Variants in MAP6 observed in about 807,000 individuals in gnomAD.
The protein encoded by MAP6 is microtubule associated protein 6.
MAP6 carries 26 observed loss-of-function variants against 42.4 expected under a neutral mutation model. That is an observed-to-expected ratio of 0.61 (90% confidence interval 0.45 to 0.85). The LOEUF is 0.85. Ranked by LOEUF, MAP6 falls within the 40% of genes least tolerant of loss-of-function variation. MAP6 has a pLI of 0.00. For synonymous variants in MAP6, 418 were observed against 443.8 expected, an observed-to-expected ratio of 0.94 and a Z score of 0.73; for missense variants, 966 against 1,099.0, an observed-to-expected ratio of 0.88 and a Z score of 1.71.
intron 1 of MAP6, among the ~76,000 whole-genome samples, chr11:75,625,482 C>T (rs574574578): frequency 6.6e-6 from 1 of 152,274 alleles, no homozygotes; most frequent in East Asian, 1.9e-4. Flanking sequence ...AGATGCTGCA[C>T]AAACATGCCC....
In MAP6 at chr11:75,587,310, C is replaced by T. The variant is rs150533004; in HGVS notation, c.2191G>A (p.Val731Ile). 1.9e-6 allele frequency: 3 copies of T among 1,614,150 alleles called. No homozygotes were observed. The highest frequency in any genetic ancestry group is 8.5e-7 in the Non-Finnish European group (1 of 1,180,016). Residue 731 changes from valine (V) to isoleucine (I), a missense_variant, in exon 4 of 4, where the codon GTC becomes ATC. Coordinates refer to ENST00000304771, the MANE Select transcript of MAP6 (RefSeq NM_033063.2). ...PVLVKDQGPT[V>I]LQPPKNQGRI... ...CCTTGATTCTTTGGAGGCTGTAGGA[C>T]TGTGGGGCCTTGATCCTTAACTAGT...
rs1460751778 is a variant in MAP6, at chr11:75,667,260, G to C, written c.905+205C>G. 6.6e-6 allele frequency among the ~76,000 whole-genome samples: 1 copy of C among 152,216 alleles called. No homozygotes were observed. Among genetic ancestry groups the C allele is most frequent in the Non-Finnish European group, 1.5e-5 (1 of 68,034 alleles). On this transcript the variant is annotated intron_variant, in intron 1 of 3. Transcript: ENST00000304771. This position sits in a 1 kb window ranked among gnomAD's most constrained non-coding sequence, Gnocchi z 5.6. ...TGAAAGAGCCAGGCAGGCTGAGATG[G>C]AATATACTAACAGCTTGCGCATGGG...
intron 3 of MAP6, chr11:75,603,700 T>C: frequency 4.1e-6 from 4 of 985,248 alleles, no homozygotes; most frequent in Non-Finnish European, 4.8e-6. Flanking sequence ...CACCCTCTGG[T>C]TGTGTGGCTG....
At chr11:75,598,410 A>G (rs1440525909) in intron 3 of MAP6, among the ~76,000 whole-genome samples, 1 of 152,116 alleles carries the variant, frequency 6.6e-6, no homozygotes, top group Non-Finnish European at 1.5e-5. Context: ...AGATTGGCCA[A>G]CCTCTTAGAT....
chr11:75,610,828 G>A (rs1314806101), intron 1 of MAP6, among the ~76,000 whole-genome samples: 1 of 152,102 alleles, frequency 6.6e-6, no homozygotes, highest in Admixed American at 6.5e-5. Flanking sequence ...GGCATCTGGG[G>A]AGACTCCAGG....
At chr11:75,621,089 C>T (rs1466499751) in intron 1 of MAP6, among the ~76,000 whole-genome samples, 1 of 151,598 alleles carries the variant, frequency 6.6e-6, no homozygotes, top group Non-Finnish European at 1.5e-5. Context: ...CAAGGTTGTG[C>T]CACTGCACTC....
In MAP6 at chr11:75,667,367, C is replaced by T; in HGVS notation, c.905+98G>A. The T allele has an allele frequency of 1.7e-6, 2 of 1,166,800 alleles. No homozygotes were observed. The highest frequency in any genetic ancestry group is 1.6e-5 in the African/African-American group (1 of 61,540). The allele number at this position is 1,166,800 out of a possible 1,614,324, so 72.3% of individuals were successfully genotyped here. On this transcript the variant is annotated intron_variant, in intron 1 of 3. Transcript: ENST00000304771. The surrounding 1 kb of genome is among the most constrained non-coding windows in gnomAD (Gnocchi z 5.6). ...GGTGTGGCCTGGGACTGGAGGGAGG[C>T]TGCACGCTAGGCCTGCGCTGGGGAT...
At chr11:75,642,835 C>G in intron 1 of MAP6, 1 of 470,268 alleles carries the variant, frequency 2.1e-6, no homozygotes, top group Non-Finnish European at 4.4e-6. Context: ...GGCATGGATT[C>G]TATAAAGGAA....
chr11:75,626,070 C>T (rs1310092414), intron 1 of MAP6, among the ~76,000 whole-genome samples: 1 of 152,206 alleles, frequency 6.6e-6, no homozygotes, highest in Non-Finnish European at 1.5e-5. Context: ...TGAGCCATCA[C>T]TGACCCCTAA....
chr11:75,649,775 G>A (rs1383469509), intron 1 of MAP6, among the ~76,000 whole-genome samples: 5 of 152,022 alleles, frequency 3.3e-5, no homozygotes, highest in Admixed American at 2.6e-4. Context: ...TCCTGCCCTC[G>A]TGATCCACCC....
At chr11:75,651,426 C>T (rs921818101) in intron 1 of MAP6, among the ~76,000 whole-genome samples, 2 of 152,162 alleles carry the variant, frequency 1.3e-5, no homozygotes, top group African/African-American at 4.8e-5. Context: ...ATAACAGTCC[C>T]TCATGGTAGA....
In MAP6 at chr11:75,615,194, A is replaced by G. The variant is rs189406310; in HGVS notation, c.906-6872T>C. Among the ~76,000 whole-genome samples, 102 of 152,346 alleles carry G rather than the reference A, an allele frequency of 6.7e-4. 1 individual carries two copies. The highest frequency in any genetic ancestry group is 2.3e-3 in the African/African-American group (94 of 41,584). ...CCAGATGATGATGATGAGTTACTAG[A>G]AAGAGAACTGGCTCTGGAGTGAGAT... On this transcript the variant is annotated intron_variant, in intron 1 of 3. Transcript: ENST00000304771.
intron 1 of MAP6, among the ~76,000 whole-genome samples, chr11:75,611,089 C>T (rs895939928): frequency 9.9e-5 from 15 of 152,154 alleles, no homozygotes; most frequent in African/African-American, 3.6e-4. Flanking sequence ...GCCCAGGGAA[C>T]ATTTGGGGCT....
At position 75,667,398 on chromosome 11, in the gene MAP6, G is replaced by T; in HGVS notation, c.905+67C>A. 7.4e-7 allele frequency: 1 copy of T among 1,343,546 alleles called. No homozygotes were observed. Among genetic ancestry groups the T allele is most frequent in the Non-Finnish European group, 9.6e-7 (1 of 1,036,408 alleles). The allele number at this position is 1,343,546 out of a possible 1,614,324, so 83.2% of individuals were successfully genotyped here. ...GCTAGGCCTGCGCTGGGGATCCTGGGCCCCGGGCAGCCCGCGGGGAGGGTC... is the reference window on the plus strand; with the variant it reads ...GCTAGGCCTGCGCTGGGGATCCTGGTCCCCGGGCAGCCCGCGGGGAGGGTC... On this transcript the variant is annotated intron_variant, in intron 1 of 3. Coordinates refer to ENST00000304771, the MANE Select transcript of MAP6 (RefSeq NM_033063.2). This position sits in a 1 kb window ranked among gnomAD's most constrained non-coding sequence, Gnocchi z 5.6.
intron 1 of MAP6, among the ~76,000 whole-genome samples, chr11:75,610,502 G>A (rs1167296978): frequency 6.6e-6 from 1 of 152,212 alleles, no homozygotes; most frequent in Admixed American, 6.5e-5. Flanking sequence ...GTGGGTGGCT[G>A]GGCTCACATT....
intron 1 of MAP6, among the ~76,000 whole-genome samples, chr11:75,648,631 T>C (rs1190064953): frequency 6.6e-6 from 1 of 152,186 alleles, no homozygotes; most frequent in African/African-American, 2.4e-5. Flanking sequence ...CTAAGTCCAC[T>C]GAATACACTA....
intron 1 of MAP6, among the ~76,000 whole-genome samples, chr11:75,609,825 A>T (rs1403660755): frequency 1.3e-5 from 2 of 151,872 alleles, no homozygotes; most frequent in Admixed American, 6.6e-5. Flanking sequence ...TAGATGCCCC[A>T]TTGTTATGGT....
intron 3 of MAP6, chr11:75,605,585 C>T (rs1942747418): frequency 7.5e-7 from 1 of 1,332,866 alleles, no homozygotes; most frequent in Admixed American, 3.3e-5. Flanking sequence ...CTTCCTGGTG[C>T]TCCAGGGGCT....
At chr11:75,606,096 T>A (rs764674239) in intron 2 of MAP6, 92 bp from the exon 3 acceptor site, 4 of 1,450,952 alleles carry the variant, frequency 2.8e-6, no homozygotes, top group Non-Finnish European at 3.7e-6. Flanking sequence ...AATTAAGGAA[T>A]GACGGTAATG....
Sources: gnomAD v4.1 joint callset for allele counts (sites outside exome capture counted in the v4.1 genomes callset) on GRCh38, gnomAD v4.1.1 for gene constraint, Gnocchi (gnomAD v3.1) non-coding constraint, MANE v1.5 for transcripts, NCBI Gene and HGNC (gene_info 2026-07-23, HGNC 2026-07-21) for gene names.